The following ADCY10 variants were observed in gnomAD, a reference collection of about 807,000 sequenced individuals.
The protein encoded by ADCY10 is adenylate cyclase 10, also known as adenylate cyclase type 10.
Under a neutral mutation model 183.3 loss-of-function variants are expected in ADCY10, and 156 were observed. That is an observed-to-expected ratio of 0.85 (90% CI 0.75 to 0.97). The LOEUF is 0.97. ADCY10 is among the 50% of genes least tolerant of loss of function. The probability of loss-of-function intolerance (pLI) is 0.00; values close to 1 mark genes in which losing one functional copy is unlikely to be tolerated. For synonymous variants in ADCY10, 645 were observed against 670.0 expected, an observed-to-expected ratio of 0.96 and a Z score of 0.58; for missense variants, 1,745 against 1,934.3, an observed-to-expected ratio of 0.90 and a Z score of 1.84.
At position 167,824,525 on chromosome 1, in the gene ADCY10, G is replaced by A; in HGVS notation, c.4003C>T (p.His1335Tyr). ...CTAAGTCTGCAGAGGGACTGATAAT[G>A]TCGGTTGGGATTCTGGAGCAGTGCC... ...MWALLQNPNR[H>Y]YQSLCRLSRC... Residue 1335 changes from histidine (H) to tyrosine (Y), a missense_variant, in exon 28 of 33, where the codon CAT (histidine) becomes TAT (tyrosine). His to Tyr is a moderately conservative substitution (Grantham distance 83). Transcript: ENST00000367851. 1 of 1,614,228 alleles carries A rather than the reference G, an allele frequency of 6.2e-7. No individual in the cohort carries two copies. Among genetic ancestry groups the A allele is most frequent in the Non-Finnish European group, 8.5e-7 (1 of 1,180,034 alleles).
At chr1:167,876,196 G>A (rs895968211) in intron 12 of ADCY10, among the ~76,000 whole-genome samples, 1 of 150,318 alleles carries the variant, frequency 6.7e-6, no homozygotes, top group South Asian at 2.1e-4. Context: ...GACAGAGGTT[G>A]CAGTGAGCCA....
At chr1:167,849,926 T>C (rs1665338936) in intron 18 of ADCY10, among the ~76,000 whole-genome samples, 1 of 152,164 alleles carries the variant, frequency 6.6e-6, no homozygotes, top group Admixed American at 6.5e-5. Context: ...GTGCAGGGCC[T>C]GGAGTGCTCA....
intron 30 of ADCY10, among the ~76,000 whole-genome samples, chr1:167,821,742 A>C (rs1662927044): frequency 6.6e-6 from 1 of 152,226 alleles, no homozygotes; most frequent in South Asian, 2.1e-4. Context: ...CCTCTGAAGA[A>C]AGCAATCTTT....
At chr1:167,880,307 T>C in intron 10 of ADCY10, 116 bp from the exon 11 acceptor site, 1 of 1,086,946 alleles carries the variant, frequency 9.2e-7, no homozygotes, top group Non-Finnish European at 1.4e-6. Context: ...GGATTTTCTC[T>C]ACCCGTTGGA....
chr1:167,843,253 C>G (rs35010743), intron 21 of ADCY10, among the ~76,000 whole-genome samples: 24,381 of 152,190 alleles, frequency 0.16, 2,559 homozygotes, highest in African/African-American at 0.29. Context: ...TCAAACTGAC[C>G]TATATTCTAG....
intron 18 of ADCY10, 23 bp from the exon 19 acceptor site, chr1:167,848,512 A>G (rs1558182960): frequency 1.2e-6 from 2 of 1,613,120 alleles, no homozygotes; most frequent in Non-Finnish European, 1.7e-6. Flanking sequence ...AAAAGGGAAG[A>G]AAAGTTGAGT....
chr1:167,859,854 T>C lies in ADCY10; in HGVS notation c.1849A>G (p.Lys617Glu). 6.2e-7 allele frequency: 1 copy of C among 1,613,712 alleles called. No homozygotes were observed. Among genetic ancestry groups the C allele is most frequent in the Non-Finnish European group, 8.5e-7 (1 of 1,179,634 alleles). Residue 617 changes from lysine to glutamate, a missense_variant, in exon 16 of 33, where the codon AAA becomes GAA. Physicochemically the swap from Lys to Glu is moderately conservative, Grantham distance 56 (BLOSUM62 1). Coordinates refer to ENST00000367851, the MANE Select transcript of ADCY10 (RefSeq NM_018417.6). ...SREISRMSTL[K>E]KQKQLEILFM... ...AATATTTCCAATTGTTTTTGCTTTTTCAAGGTGCTCATCCTGGAAATCTCC... is the reference window on the plus strand; with the variant it reads ...AATATTTCCAATTGTTTTTGCTTTTCCAAGGTGCTCATCCTGGAAATCTCC...
At chr1:167,837,165 G>GC in intron 22 of ADCY10, 84 bp downstream of exon 22, 2 of 1,305,356 alleles carry the variant, frequency 1.5e-6, no homozygotes, top group Non-Finnish European at 2.2e-6. Flanking sequence ...AAAAGTACTG[G>GC]CCAGACAAAT....
At chr1:167,820,720 T>A (rs2032577) in intron 30 of ADCY10, 11,991 of 152,424 alleles carry the variant, frequency 0.079, 547 homozygotes, top group African/African-American at 0.13. Flanking sequence ...AGACGGGACC[T>A]GAGCCCAGGA....
chr1:167,890,534 C>T (rs1668516776), intron 8 of ADCY10, among the ~76,000 whole-genome samples: 1 of 152,088 alleles, frequency 6.6e-6, no homozygotes, highest in South Asian at 2.1e-4. Context: ...TGGATATTGC[C>T]CAAGGCCCAC....
intron 10 of ADCY10, 82 bp from the exon 11 acceptor site, chr1:167,880,273 T>C: frequency 7.9e-7 from 1 of 1,269,826 alleles, no homozygotes. Context: ...GGAAATAATG[T>C]CTGGGTTGGG....
At position 167,846,163 on chromosome 1, in the gene ADCY10, AAAC is replaced by A. The variant is rs767527947; in HGVS notation, c.2535_2537del (p.Leu845del). 39 of 1,614,108 alleles carry A rather than the reference AAAC, an allele frequency of 2.4e-5. No homozygotes were observed. The highest frequency in any genetic ancestry group is 2.9e-5 in the Non-Finnish European group (34 of 1,180,042). On this transcript the variant is annotated inframe_deletion, in exon 20 of 33. Coordinates refer to ENST00000367851, the MANE Select transcript of ADCY10 (RefSeq NM_018417.6). Reference sequence around the variant, plus strand: ...TCATATTCCAACAGGGGAGAATCTCAAACAACAACTCAGTGGTGAAGGTCAGGC... The same window carrying A: ...TCATATTCCAACAGGGGAGAATCTCAAACAACTCAGTGGTGAAGGTCAGGC...
At chr1:167,884,556 C>A (rs544263876) in intron 8 of ADCY10, among the ~76,000 whole-genome samples, 1 of 152,252 alleles carries the variant, frequency 6.6e-6, no homozygotes, top group African/African-American at 2.4e-5. Flanking sequence ...GTTGTACTAG[C>A]AAATACTAGG....
intron 8 of ADCY10, among the ~76,000 whole-genome samples, chr1:167,888,773 G>A (rs949706836): frequency 1.3e-4 from 19 of 148,180 alleles, no homozygotes; most frequent in African/African-American, 4.5e-4. Flanking sequence ...CTACTCAGGA[G>A]GCTGAGGCAG....
intron 8 of ADCY10, among the ~76,000 whole-genome samples, chr1:167,884,944 C>A (rs1348711892): frequency 6.6e-6 from 1 of 152,190 alleles, no homozygotes; most frequent in African/African-American, 2.4e-5. Flanking sequence ...GATCTGCCTG[C>A]CTTGGCCTCC....
chr1:167,824,341 A>C, intron 28 of ADCY10, 135 bp downstream of exon 28: 1 of 792,294 alleles, frequency 1.3e-6, no homozygotes, highest in South Asian at 1.4e-5. Flanking sequence ...AAAAAGGGTG[A>C]CTACTATCAG....
rs61604672 is a variant in ADCY10 at position 167,833,718 on chromosome 1, C to T, written c.3417+252G>A. Reference sequence around the variant, plus strand: ...CGATATCACGCCACTGTATTCCAGGCTGGGCAACACAGCAAGACTCCCTCT... The same window carrying T: ...CGATATCACGCCACTGTATTCCAGGTTGGGCAACACAGCAAGACTCCCTCT... On this transcript the variant is annotated intron_variant, in intron 24 of 32. Transcript: ENST00000367851. Among the ~76,000 whole-genome samples the T allele has an allele frequency of 0.018, 2,655 of 146,074 alleles. 82 individuals are homozygous for T. The highest frequency in any genetic ancestry group is 0.065 in the African/African-American group (2,542 of 38,952).
At chr1:167,840,684 T>C (rs1347264188) in intron 21 of ADCY10, among the ~76,000 whole-genome samples, 1 of 147,068 alleles carries the variant, frequency 6.8e-6, no homozygotes, top group East Asian at 1.9e-4. Context: ...ATTCTCATTT[T>C]TTTCATTTAC....
intron 25 of ADCY10, among the ~76,000 whole-genome samples, chr1:167,830,215 G>A (rs1663611013): frequency 6.6e-6 from 1 of 151,674 alleles, no homozygotes; most frequent in African/African-American, 2.4e-5. Context: ...TTATTATCAC[G>A]CCCTCCCTCA....
Sources: allele counts gnomAD v4.1 joint callset (sites outside exome capture counted in the v4.1 genomes callset), GRCh38; gene constraint gnomAD v4.1.1; transcripts MANE v1.5; gene names NCBI Gene and HGNC (gene_info 2026-07-23, HGNC 2026-07-21).